The following MME variants were observed in gnomAD, a reference collection of about 807,000 sequenced individuals.
MME encodes neprilysin.
In MME, 98 loss-of-function variants were observed where a neutral mutation model predicts 113.2. That is an observed-to-expected ratio of 0.87 (90% CI 0.74 to 1.02). The LOEUF is 1.02. MME is among the 50% of genes least tolerant of loss of function. The pLI is 0.00. For synonymous variants in MME, 292 were observed against 300.6 expected, an observed-to-expected ratio of 0.97 and a Z score of 0.30; for missense variants, 836 against 896.0, an observed-to-expected ratio of 0.93 and a Z score of 0.86.
At position 155,155,138 on chromosome 3, in the gene MME, A is replaced by G. The variant is rs74802932; in HGVS notation, c.1602-5252A>G. Among the ~76,000 whole-genome samples, 606 of 152,290 alleles carry G rather than the reference A, an allele frequency of 4.0e-3. 6 individuals carry two copies. The highest frequency in any genetic ancestry group is 0.014 in the African/African-American group (581 of 41,578). ...AAAAGATTTCTGCTTTTTAGTCAGCATTTGATGAGGGATTCTGTTTTGTTT... is the reference window on the plus strand; with the variant it reads ...AAAAGATTTCTGCTTTTTAGTCAGCGTTTGATGAGGGATTCTGTTTTGTTT... On this transcript the variant is annotated intron_variant, in intron 16 of 22. Coordinates refer to ENST00000360490, the MANE Select transcript of MME (RefSeq NM_007289.4).
chr3:155,151,594 C>T (rs558860769), intron 16 of MME, among the ~76,000 whole-genome samples: 5 of 152,208 alleles, frequency 3.3e-5, no homozygotes, highest in Admixed American at 3.3e-4. Context: ...GTCTTATTGA[C>T]CCTAAAAACA....
At chr3:155,158,304 C>A (rs939449363) in intron 16 of MME, 2 of 152,106 alleles carry the variant, frequency 1.3e-5, no homozygotes, top group Middle Eastern at 3.4e-3. Flanking sequence ...GAAACTGAAC[C>A]CTAAAACCAC....
intron 1 of MME, among the ~76,000 whole-genome samples, chr3:155,059,139 C>T (rs531648809): frequency 6.6e-6 from 1 of 151,504 alleles, no homozygotes; most frequent in Non-Finnish European, 1.5e-5. Flanking sequence ...CCTGTAATCC[C>T]AGCTATTCAA....
intron 3 of MME, among the ~76,000 whole-genome samples, chr3:155,108,941 C>T (rs1717931728): frequency 6.6e-6 from 1 of 152,150 alleles, no homozygotes; most frequent in Non-Finnish European, 1.5e-5. Context: ...CATTCAAAGG[C>T]AGACTTAAGG....
chr3:155,116,383 A>C (rs1453038360), intron 4 of MME, 96 bp from the exon 5 acceptor site: 1 of 929,276 alleles, frequency 1.1e-6, no homozygotes, highest in Admixed American at 1.8e-5. Flanking sequence ...AACTGAACCC[A>C]CTTTGCAAAT....
rs1175743515 is a variant in MME at position 155,072,653 on chromosome 3, A to T, written c.-10-11505A>T. Among the ~76,000 whole-genome samples the T allele has an allele frequency of 7.2e-5, 11 of 152,280 alleles. No homozygotes were observed. In the East Asian group the frequency reaches 2.1e-3, roughly 29 times the overall value. On this transcript the variant is annotated intron_variant, in intron 1 of 22. Transcript: ENST00000492661. Reference sequence around the variant, plus strand: ...GTATTCTATTTTATGAATGTATTACAGTTATCTATCCATTCTCCTATCAAT... The same window carrying T: ...GTATTCTATTTTATGAATGTATTACTGTTATCTATCCATTCTCCTATCAAT...
At chr3:155,094,356 G>C (rs1716541232) in intron 3 of MME, among the ~76,000 whole-genome samples, 1 of 152,158 alleles carries the variant, frequency 6.6e-6, no homozygotes, top group East Asian at 1.9e-4. Flanking sequence ...TCATTTTACA[G>C]GGAAACAGCA....
intron 22 of MME, among the ~76,000 whole-genome samples, chr3:155,176,954 A>G (rs1712595720): frequency 6.6e-6 from 1 of 152,192 alleles, no homozygotes; most frequent in Non-Finnish European, 1.5e-5. Flanking sequence ...TTGGATGGAA[A>G]GAGGATGGGC....
At chr3:155,040,561 A>G (rs73874465) in intron 1 of MME, among the ~76,000 whole-genome samples, 3,560 of 151,960 alleles carry the variant, frequency 0.023, 134 homozygotes, top group African/African-American at 0.076. Context: ...ATGTGTATGC[A>G]TGTAATATAT....
chr3:155,050,063 T>A (rs752645984), intron 1 of MME, among the ~76,000 whole-genome samples: 1 of 152,172 alleles, frequency 6.6e-6, no homozygotes, highest in Non-Finnish European at 1.5e-5. Context: ...TAGCTCCCAG[T>A]TGTAAGTGAG....
chr3:155,142,449 G>A, intron 12 of MME, 119 bp downstream of exon 12: 1 of 781,678 alleles, frequency 1.3e-6, no homozygotes. Flanking sequence ...AAATGCCAAA[G>A]TTCGTTATCT....
intron 3 of MME, among the ~76,000 whole-genome samples, chr3:155,098,142 T>A (rs1438721943): frequency 3.3e-5 from 5 of 152,142 alleles, no homozygotes; most frequent in Non-Finnish European, 5.9e-5. Context: ...CTGGATCAAT[T>A]CAGGGTAGGC....
At chr3:155,116,794 A>T in intron 6 of MME, 35 bp downstream of exon 6, 1 of 1,585,746 alleles carries the variant, frequency 6.3e-7, no homozygotes, top group Non-Finnish European at 8.7e-7. Context: ...AGAAATTTCC[A>T]TGTAAAATCT....
chr3:155,172,741 A>T (rs3816802), intron 22 of MME, 129 bp downstream of exon 22: 17 of 692,452 alleles, frequency 2.5e-5, no homozygotes, highest in African/African-American at 2.3e-4. Flanking sequence ...TTTTTTTGAG[A>T]GTCAAAGGTA....
At chr3:155,075,613 A>G (rs1405998514), upstream of MME, among the ~76,000 whole-genome samples, 2 of 152,198 alleles carry the variant, frequency 1.3e-5, no homozygotes, top group Admixed American at 6.5e-5. Flanking sequence ...CTTTTTACAT[A>G]CATAATTAAC....
At chr3:155,125,444 CTTT>C (rs1165027340) in intron 8 of MME, among the ~76,000 whole-genome samples, 5 of 65,330 alleles carry the variant, frequency 7.7e-5, no homozygotes, top group African/African-American at 1.3e-4. Context: ...GCTCCTCCTC[CTTT>C]TTTTTTTTTT....
intron 17 of MME, among the ~76,000 whole-genome samples, chr3:155,161,914 C>G (rs1364826659): frequency 6.6e-6 from 1 of 152,152 alleles, no homozygotes; most frequent in Non-Finnish European, 1.5e-5. Flanking sequence ...TGAAACCATT[C>G]AAATCTTGTT....
chr3:155,119,735 G>A (rs1718958309), intron 8 of MME, among the ~76,000 whole-genome samples: 1 of 149,826 alleles, frequency 6.7e-6, no homozygotes, highest in South Asian at 2.1e-4. Context: ...CCCTACAAAG[G>A]ACATGAACTC....
At chr3:155,028,845 C>T (rs938930355) in intron 1 of MME, among the ~76,000 whole-genome samples, 46 of 152,176 alleles carry the variant, frequency 3.0e-4, no homozygotes, top group African/African-American at 9.6e-4. Flanking sequence ...CTTTTTGTTA[C>T]TTACAAGTTA....
Sources: allele counts gnomAD v4.1 joint callset (sites outside exome capture counted in the v4.1 genomes callset), GRCh38; gene constraint gnomAD v4.1.1; transcripts MANE v1.5; gene names NCBI Gene and HGNC (gene_info 2026-07-23, HGNC 2026-07-21).